The following CTNNA3 variants were observed in gnomAD, a reference collection of about 807,000 sequenced individuals.
CTNNA3 encodes the protein catenin alpha 3.
A neutral mutation model predicts 95.7 loss-of-function variants in CTNNA3; 76 were observed. The observed-to-expected ratio is 0.79, with a 90% CI of 0.66 to 0.96. The LOEUF is 0.96. Ranked by LOEUF, CTNNA3 falls within the 40% of genes least tolerant of loss-of-function variation. The pLI, the probability that CTNNA3 is intolerant of heterozygous loss-of-function variation, is 0.00. For missense variants in CTNNA3, 1,191 were observed against 1,089.8 expected, an observed-to-expected ratio of 1.09 and a Z score of -1.31; for synonymous variants, 431 against 374.4, an observed-to-expected ratio of 1.15 and a Z score of -1.74.
chr10:67,426,313 T>C (rs1396031354), intron 5 of CTNNA3, among the ~76,000 whole-genome samples: 1 of 152,036 alleles, frequency 6.6e-6, no homozygotes. Flanking sequence ...GCAAGAAAGA[T>C]GGATTGAAAG....
At chr10:66,892,121 A>T (rs1411335627) in intron 7 of CTNNA3, among the ~76,000 whole-genome samples, 1 of 152,132 alleles carries the variant, frequency 6.6e-6, no homozygotes, top group Non-Finnish European at 1.5e-5. Flanking sequence ...AATAACCATA[A>T]TTCCTTTACA....
At chr10:67,518,277 T>A (rs1395911943) in intron 5 of CTNNA3, among the ~76,000 whole-genome samples, 3 of 152,144 alleles carry the variant, frequency 2.0e-5, no homozygotes, top group African/African-American at 7.2e-5. Context: ...TGAAGAGTTA[T>A]ATTGACTAGA....
At chr10:66,431,052 A>G (rs2093290570) in intron 11 of CTNNA3, among the ~76,000 whole-genome samples, 1 of 138,434 alleles carries the variant, frequency 7.2e-6, no homozygotes, top group African/African-American at 3.0e-5. Flanking sequence ...CAAATTTACA[A>G]GAAAAAAAAA....
intron 1 of CTNNA3, among the ~76,000 whole-genome samples, chr10:67,655,240 G>C (rs989826622): frequency 2.6e-5 from 4 of 152,164 alleles, no homozygotes; most frequent in Non-Finnish European, 5.9e-5. Context: ...ATGTCAACAA[G>C]TCTTCCACCA....
chr10:67,181,164 AC>A (rs1862521885), intron 6 of CTNNA3, among the ~76,000 whole-genome samples: 1 of 152,198 alleles, frequency 6.6e-6, no homozygotes, highest in Non-Finnish European at 1.5e-5. Flanking sequence ...ACTTTAGTTA[AC>A]TTTAACACTA....
At chr10:67,635,462 T>G (rs1839278597) in intron 2 of CTNNA3, among the ~76,000 whole-genome samples, 1 of 152,068 alleles carries the variant, frequency 6.6e-6, no homozygotes, top group Non-Finnish European at 1.5e-5. Flanking sequence ...ATCAAAAAAA[T>G]TATCCACCAT....
At chr10:66,993,120 C>T (rs1851131317) in intron 7 of CTNNA3, among the ~76,000 whole-genome samples, 3 of 152,108 alleles carry the variant, frequency 2.0e-5, no homozygotes, top group South Asian at 4.1e-4. Context: ...TAGCCTCATT[C>T]GCATGGTTGA....
chr10:66,741,771 T>C (rs959447802), intron 9 of CTNNA3, among the ~76,000 whole-genome samples: 4 of 152,200 alleles, frequency 2.6e-5, no homozygotes, highest in Non-Finnish European at 5.9e-5. Context: ...TTCTTACACC[T>C]GTCCTTACTG....
intron 9 of CTNNA3, among the ~76,000 whole-genome samples, chr10:66,682,144 C>A (rs1309911726): frequency 1.3e-5 from 2 of 152,070 alleles, no homozygotes; most frequent in African/African-American, 4.8e-5. Context: ...GATACAAATT[C>A]CTCCAGAATT....
chr10:66,925,294 C>T (rs1847006464), intron 7 of CTNNA3, among the ~76,000 whole-genome samples: 1 of 152,074 alleles, frequency 6.6e-6, no homozygotes, highest in African/African-American at 2.4e-5. Context: ...GAGAAAACAA[C>T]GTAGCCCATT....
intron 11 of CTNNA3, among the ~76,000 whole-genome samples, chr10:66,458,683 T>G (rs1321947995): frequency 6.6e-6 from 1 of 152,188 alleles, no homozygotes; most frequent in Non-Finnish European, 1.5e-5. Context: ...AGACAATATT[T>G]GTCCTTTTGT....
At chr10:67,744,972 C>T (rs1841366039) in intron 1 of CTNNA3, among the ~76,000 whole-genome samples, 1 of 151,980 alleles carries the variant, frequency 6.6e-6, no homozygotes, top group Non-Finnish European at 1.5e-5. Flanking sequence ...CCATCTCACA[C>T]CAGTTAGAAT....
At chr10:67,321,956 C>A (rs1396491574) in intron 5 of CTNNA3, among the ~76,000 whole-genome samples, 3 of 152,060 alleles carry the variant, frequency 2.0e-5, no homozygotes, top group African/African-American at 7.2e-5. Flanking sequence ...CCTCCATACA[C>A]ACCCCACATT....
rs1845135422 is a variant in CTNNA3, at chr10:66,888,539, A to G, written c.1048-113015T>C. On this transcript the variant is annotated intron_variant, in intron 7 of 17. Coordinates refer to ENST00000433211, the MANE Select transcript of CTNNA3 (RefSeq NM_013266.4). ...TCATGCAGGCCTTTCAGGTCATGGT[A>G]GTTTTTCATTTTTTTTTTTTAAGCA... 2.3e-5 allele frequency among the ~76,000 whole-genome samples: 3 copies of G among 130,914 alleles called. No individual in the cohort carries two copies. The South Asian group carries it at 7.0e-4, about 31-fold the overall frequency. The allele number at this position is 130,914 out of a possible 152,430, so 85.9% of individuals were successfully genotyped here. A position where few individuals can be genotyped will look rare whatever the true frequency, so the allele number is the denominator to read the frequency against.
At chr10:67,690,679 C>T (rs1163712062) in intron 1 of CTNNA3, among the ~76,000 whole-genome samples, 1 of 152,194 alleles carries the variant, frequency 6.6e-6, no homozygotes, top group African/African-American at 2.4e-5. Flanking sequence ...CAGAAAAGTT[C>T]TCCAAGTCCC....
chr10:66,413,871 C>A (rs777194689), intron 11 of CTNNA3, among the ~76,000 whole-genome samples: 1 of 152,244 alleles, frequency 6.6e-6, no homozygotes, highest in Non-Finnish European at 1.5e-5. Context: ...CCACAATCAA[C>A]AATAGGTACA....
intron 16 of CTNNA3, among the ~76,000 whole-genome samples, chr10:65,987,552 GGGGACTCATACCCT>G (rs1486853741): frequency 1.3e-5 from 2 of 152,036 alleles, no homozygotes; most frequent in African/African-American, 2.4e-5. Context: ...GTAGAGAAAA[GGGGACTCATACCCT>G]GTTGGTAGGA....
At chr10:67,603,783 CTTA>C (rs1434568488) in intron 3 of CTNNA3, among the ~76,000 whole-genome samples, 3 of 151,890 alleles carry the variant, frequency 2.0e-5, no homozygotes, top group Non-Finnish European at 4.4e-5. Flanking sequence ...CTACGGTTAA[CTTA>C]TTATTGAAGA....
intron 7 of CTNNA3, among the ~76,000 whole-genome samples, chr10:66,995,807 A>T (rs555528978): frequency 6.6e-6 from 1 of 152,172 alleles, no homozygotes; most frequent in East Asian, 1.9e-4. Flanking sequence ...GGTCTAATAC[A>T]AGCATTACTG....
Sources: gnomAD v4.1 joint callset for allele counts (sites outside exome capture counted in the v4.1 genomes callset) on GRCh38, gnomAD v4.1.1 for gene constraint, MANE v1.5 for transcripts, NCBI Gene and HGNC (gene_info 2026-07-23, HGNC 2026-07-21) for gene names.